DIAPH2: variants seen among roughly 807,000 people sequenced by gnomAD.
DIAPH2 encodes the protein diaphanous related formin 2.
Under a neutral mutation model 92.7 loss-of-function variants are expected in DIAPH2, and 35 were observed. That is an observed-to-expected ratio of 0.38 (90% CI 0.29 to 0.50). The LOEUF (loss-of-function observed/expected upper bound fraction) is 0.50. DIAPH2 is among the 20% of genes least tolerant of loss of function. The probability of loss-of-function intolerance (pLI) is 0.94; values close to 1 mark genes in which losing one functional copy is unlikely to be tolerated. For synonymous variants in DIAPH2, 301 were observed against 280.4 expected (o/e 1.07, Z -0.73); for missense variants, 701 against 819.5 (o/e 0.86, Z 1.77).
intron 17 of DIAPH2, among the ~76,000 whole-genome samples, chrX:97,048,800 A>G (rs757651254): frequency 8.1e-5 from 9 of 110,907 alleles, no homozygotes; most frequent in African/African-American, 1.6e-4. Context: ...CCATTTTTCA[A>G]TGGTTTATAG....
chrX:97,486,755 T>G (rs975894532), intron 26 of DIAPH2, among the ~76,000 whole-genome samples: 1 of 112,219 alleles, frequency 8.9e-6, no homozygotes, highest in Admixed American at 9.4e-5. Flanking sequence ...CTATATTTGT[T>G]TTTTGGTTGT....
At chrX:97,494,446 T>C (rs975673841) in intron 26 of DIAPH2, among the ~76,000 whole-genome samples, 9 of 112,347 alleles carry the variant, frequency 8.0e-5, no homozygotes, top group African/African-American at 2.9e-4. Flanking sequence ...CTTAAGATGA[T>C]TATTTTGAAA....
At chrX:97,169,402 A>G (rs770140496) in intron 22 of DIAPH2, among the ~76,000 whole-genome samples, 8 of 111,761 alleles carry the variant, frequency 7.2e-5, no homozygotes, top group African/African-American at 2.6e-4. Flanking sequence ...CAGGTTTTTA[A>G]AAGATCACTC....
chrX:97,169,430 T>C (rs1394525034), intron 22 of DIAPH2, among the ~76,000 whole-genome samples: 1 of 111,812 alleles, frequency 8.9e-6, no homozygotes, highest in East Asian at 2.8e-4. Context: ...TGGTTTGAGA[T>C]AGTCTATATG....
intron 26 of DIAPH2, among the ~76,000 whole-genome samples, chrX:97,515,521 A>G (rs5967321): frequency 0.39 from 43,026 of 111,176 alleles, 5,925 homozygotes; most frequent in East Asian, 0.57. Flanking sequence ...CTATTCAGCC[A>G]TCTTGGCTCA....
chrX:97,079,060 C>T (rs921710977), intron 19 of DIAPH2, among the ~76,000 whole-genome samples: 2 of 111,239 alleles, frequency 1.8e-5, no homozygotes, highest in Non-Finnish European at 3.8e-5. Context: ...CTCTCACTTT[C>T]TCTCCCTCAC....
chrX:97,062,241 A>G (rs1319960734), intron 17 of DIAPH2, among the ~76,000 whole-genome samples: 1 of 112,046 alleles, frequency 8.9e-6, no homozygotes, highest in Non-Finnish European at 1.9e-5. Flanking sequence ...GTTAGATTCC[A>G]AGATTTGGAA....
At chrX:97,328,208 G>A (rs943856814) in intron 23 of DIAPH2, among the ~76,000 whole-genome samples, 1 of 111,516 alleles carries the variant, frequency 9.0e-6, no homozygotes, top group Non-Finnish European at 1.9e-5. Context: ...GCTGAGGCAG[G>A]TGGATCACTT....
intron 26 of DIAPH2, among the ~76,000 whole-genome samples, chrX:97,539,575 C>G (rs1475213861): frequency 8.9e-6 from 1 of 111,750 alleles, no homozygotes; most frequent in Non-Finnish European, 1.9e-5. Context: ...CAAACAGGTA[C>G]CTGGCAATCA....
At chrX:96,687,107 G>A (rs1473663747) in intron 1 of DIAPH2, among the ~76,000 whole-genome samples, 1 of 111,548 alleles carries the variant, frequency 9.0e-6, no homozygotes, top group African/African-American at 3.3e-5. Context: ...GTTTTTCAAA[G>A]GCATCCATTA....
intron 4 of DIAPH2, among the ~76,000 whole-genome samples, chrX:96,773,606 T>C (rs769546562): frequency 9.5e-4 from 106 of 111,158 alleles, no homozygotes; most frequent in African/African-American, 3.3e-3. Flanking sequence ...CACCAACACT[T>C]TGGGAGGCCG....
chrX:96,718,329 T>A (rs2063965245), intron 1 of DIAPH2, among the ~76,000 whole-genome samples: 1 of 86,791 alleles, frequency 1.2e-5, no homozygotes, highest in African/African-American at 4.4e-5. Context: ...TGTACCACAT[T>A]TTCTTTGTTT....
chrX:97,381,791 A>G (rs1314860097), intron 24 of DIAPH2, among the ~76,000 whole-genome samples: 1 of 112,268 alleles, frequency 8.9e-6, no homozygotes, highest in Non-Finnish European at 1.9e-5. Context: ...TAAAGATTAT[A>G]AAGTATGTAT....
chrX:97,127,618 A>G (rs144477003), intron 21 of DIAPH2, among the ~76,000 whole-genome samples: 2,342 of 112,457 alleles, frequency 0.021, 21 homozygotes, highest in Middle Eastern at 0.051. Context: ...ATTTTGTTAG[A>G]AGTAAAATGT....
chrX:97,499,041 T>C (rs2070778174), intron 26 of DIAPH2, among the ~76,000 whole-genome samples: 1 of 111,638 alleles, frequency 9.0e-6, no homozygotes, highest in Non-Finnish European at 1.9e-5. Flanking sequence ...GGCCAGTCAC[T>C]GGTCCAGAGT....
intron 26 of DIAPH2, among the ~76,000 whole-genome samples, chrX:97,437,594 A>G (rs2070200618): frequency 9.0e-6 from 1 of 111,520 alleles, no homozygotes; most frequent in Non-Finnish European, 1.9e-5. Flanking sequence ...TATGTTTGGA[A>G]GGATGAGTAG....
chrX:97,468,905 A>G (rs772415213), intron 26 of DIAPH2, among the ~76,000 whole-genome samples: 1 of 111,941 alleles, frequency 8.9e-6, no homozygotes, highest in Non-Finnish European at 1.9e-5. Flanking sequence ...CAGTATAGCT[A>G]TGAAAACATC....
At chrX:97,264,153 A>G (rs1409220376) in intron 23 of DIAPH2, among the ~76,000 whole-genome samples, 1 of 110,737 alleles carries the variant, frequency 9.0e-6, no homozygotes, top group Non-Finnish European at 1.9e-5. Context: ...CTGTAATTCA[A>G]CTACATCTTA....
chrX:96,778,548 T>G (rs1368517849), intron 4 of DIAPH2, among the ~76,000 whole-genome samples: 4 of 111,000 alleles, frequency 3.6e-5, no homozygotes, highest in Non-Finnish European at 7.5e-5. Context: ...ATCAGGAAAT[T>G]CATCACTATT....
Sources: gnomAD v4.1 joint callset for allele counts (sites outside exome capture counted in the v4.1 genomes callset) on GRCh38, gnomAD v4.1.1 for gene constraint, MANE v1.5 for transcripts, NCBI Gene and HGNC (gene_info 2026-07-23, HGNC 2026-07-21) for gene names.